The following ADGRV1 variants were observed in gnomAD, a reference collection of about 807,000 sequenced individuals.
ADGRV1 encodes the protein G-protein coupled receptor 98.
A neutral mutation model predicts 596.2 loss-of-function variants in ADGRV1; 359 were observed. That is an observed-to-expected ratio of 0.60 (90% CI 0.55 to 0.66). ADGRV1 has a LOEUF of 0.66. Ranked by LOEUF, ADGRV1 falls within the 30% of genes least tolerant of loss-of-function variation. ADGRV1 has a pLI of 0.00. For synonymous variants in ADGRV1, 2,681 were observed against 2,679.2 expected, an observed-to-expected ratio of 1.00 and a Z score of -0.02; for missense variants, 7,274 against 7,575.6, an observed-to-expected ratio of 0.96 and a Z score of 1.48.
chr5:91,001,217 A>G (rs1208563459), intron 85 of ADGRV1, among the ~76,000 whole-genome samples: 1 of 152,016 alleles, frequency 6.6e-6, no homozygotes, highest in Non-Finnish European at 1.5e-5. Context: ...AGCTGGGACT[A>G]CAGGCATGTA....
chr5:91,161,189 C>T (rs1487817905), intron 89 of ADGRV1, among the ~76,000 whole-genome samples: 1 of 152,192 alleles, frequency 6.6e-6, no homozygotes, highest in Admixed American at 6.5e-5. Context: ...GGCCCCAGGG[C>T]CTTAGTCACC....
chr5:90,931,933 A>G (rs116357461), intron 83 of ADGRV1, among the ~76,000 whole-genome samples: 1,608 of 152,342 alleles, frequency 0.011, 14 homozygotes, highest in South Asian at 0.026. Context: ...AATGGTCCAT[A>G]AGAGCAGAGG....
At chr5:90,741,145 T>G (rs1402122513) in intron 50 of ADGRV1, among the ~76,000 whole-genome samples, 1 of 152,110 alleles carries the variant, frequency 6.6e-6, no homozygotes, top group Admixed American at 6.5e-5. Context: ...TTCTACTCCT[T>G]CCTCCTCATC....
chr5:91,120,607 G>A (rs1793227819), intron 87 of ADGRV1, among the ~76,000 whole-genome samples: 1 of 152,024 alleles, frequency 6.6e-6, no homozygotes, highest in Admixed American at 6.5e-5. Context: ...ACAAACCCCA[G>A]CTCCCAGGGT....
rs775794903 is a variant in ADGRV1, at chr5:90,810,227, T to TC, written c.14973-3dup. 8.5e-6 allele frequency: 13 copies of TC among 1,530,470 alleles called. No individual in the cohort carries two copies. Among genetic ancestry groups the TC allele is most frequent in the Non-Finnish European group, 1.1e-5 (13 of 1,139,512 alleles). The allele number at this position is 1,530,470 out of a possible 1,614,324, so 94.8% of individuals were successfully genotyped here. A position where few individuals can be genotyped will look rare whatever the true frequency, so the allele number is the denominator to read the frequency against. Reference sequence around the variant, plus strand: ...CAATTTCTTCATGATTTAATTTTTTTCCCAGATCAGGTTTCATTGTTGCTG... The same window carrying TC: ...CAATTTCTTCATGATTTAATTTTTTTCCCCAGATCAGGTTTCATTGTTGCTG... On this transcript the variant is annotated splice_polypyrimidine_tract_variant and splice_region_variant and intron_variant, in intron 73 of 89. Coordinates refer to ENST00000405460, the MANE Select transcript of ADGRV1 (RefSeq NM_032119.4).
chr5:91,054,100 T>A (rs4990551), intron 85 of ADGRV1, among the ~76,000 whole-genome samples: 11,649 of 106,670 alleles, frequency 0.11, 566 homozygotes, highest in Admixed American at 0.22. Flanking sequence ...TGTGTGTGTG[T>A]GTGAGAGAGA....
chr5:90,753,598 C>A lies in ADGRV1; in HGVS notation c.11146C>A (p.Leu3716Met), dbSNP rs376365818. 6.2e-7 allele frequency: 1 copy of A among 1,609,002 alleles called. No individual in the cohort carries two copies. The highest frequency in any genetic ancestry group is 8.5e-7 in the Non-Finnish European group (1 of 1,175,826). The change falls in exon 54 of 90, where the codon CTG (leucine) becomes ATG (methionine). Residue 3716 changes from leucine to methionine, a missense_variant. Physicochemically the swap from Leu to Met is conservative, Grantham distance 15. Coordinates refer to ENST00000405460, the MANE Select transcript of ADGRV1 (RefSeq NM_032119.4). ...GATTTTATTTACTGAAGGCCAGGTA[C>A]TGTCAACAATCACTCTAACTATTCT... ...GVILFTEGQV[L>M]STITLTILAD...
chr5:90,864,925 A>G (rs192797860), intron 83 of ADGRV1, among the ~76,000 whole-genome samples: 1 of 152,288 alleles, frequency 6.6e-6, no homozygotes, highest in East Asian at 1.9e-4. Context: ...TGATTTGCAC[A>G]GTTTTTTAGA....
intron 83 of ADGRV1, among the ~76,000 whole-genome samples, chr5:90,950,954 A>G (rs1359955129): frequency 6.6e-6 from 1 of 152,206 alleles, no homozygotes; most frequent in African/African-American, 2.4e-5. Flanking sequence ...ATAGGTCACA[A>G]CAAAGATAAG....
chr5:90,774,434 C>A (rs1758005993), intron 60 of ADGRV1, 131 bp downstream of exon 60: 2 of 599,102 alleles, frequency 3.3e-6, no homozygotes, highest in South Asian at 4.1e-5. Flanking sequence ...TACCATTTTC[C>A]ACATGTATTA....
Position 90,589,746 on chromosome 5 carries a change from A to G in ADGRV1, c.23-25089A>G, listed in dbSNP as rs1027316743. 1.5e-4 allele frequency among the ~76,000 whole-genome samples: 23 copies of G among 152,258 alleles called. No individual in the cohort carries two copies. In the East Asian group the frequency reaches 4.4e-3, roughly 29 times the overall value. The stretch of plus-strand genomic sequence containing the variant: ...TAGATTCTGGGTGTTAAATGATCTT[A>G]GTTTTAAGGTTTTGGTTCAGAGTTC... On this transcript the variant is annotated intron_variant, in intron 1 of 89. Transcript: ENST00000405460.
intron 45 of ADGRV1, 134 bp downstream of exon 45, chr5:90,721,193 T>C: frequency 1.3e-6 from 1 of 766,066 alleles, no homozygotes; most frequent in Non-Finnish European, 2.0e-6. Context: ...ATTCTTTTAT[T>C]GCATCTATAA....
At chr5:90,934,034 T>G (rs888791461) in intron 83 of ADGRV1, among the ~76,000 whole-genome samples, 1 of 152,198 alleles carries the variant, frequency 6.6e-6, no homozygotes, top group African/African-American at 2.4e-5. Context: ...AGAAACTATT[T>G]CAGAAAAGTA....
At chr5:90,619,444 A>G in intron 4 of ADGRV1, among the ~76,000 whole-genome samples, 1 of 152,018 alleles carries the variant, frequency 6.6e-6, no homozygotes. Context: ...CTCCTTTGTT[A>G]ACTCTTCTGT....
chr5:91,105,329 T>G (rs1198917118), intron 87 of ADGRV1, among the ~76,000 whole-genome samples: 1 of 152,128 alleles, frequency 6.6e-6, no homozygotes, highest in Non-Finnish European at 1.5e-5. Flanking sequence ...AATACACTGA[T>G]TTTCTTTCCT....
chr5:91,042,039 T>A (rs1785405913), intron 85 of ADGRV1, among the ~76,000 whole-genome samples: 1 of 152,280 alleles, frequency 6.6e-6, no homozygotes, highest in East Asian at 1.9e-4. Context: ...TTTACAGATG[T>A]TTTAAACTTG....
rs566998261 is a variant in ADGRV1 at position 90,582,055 on chromosome 5, A to G, written c.22+23138A>G. 1.4e-4 allele frequency among the ~76,000 whole-genome samples: 20 copies of G among 147,134 alleles called. No homozygotes were observed. In the South Asian group the frequency reaches 2.6e-3, roughly 19 times the overall value. ...ACTGTGGTCCAAGAGTGTACTTGGT[A>G]TATGATTTCAGTTGTTTTTTATTTA... On this transcript the variant is annotated intron_variant, in intron 1 of 89. Transcript: ENST00000405460.
At chr5:90,847,416 C>T (rs1018640892) in intron 78 of ADGRV1, among the ~76,000 whole-genome samples, 5 of 152,226 alleles carry the variant, frequency 3.3e-5, no homozygotes, top group African/African-American at 1.2e-4. Context: ...GACATATTCT[C>T]CAAGTCCCCA....
intron 84 of ADGRV1, among the ~76,000 whole-genome samples, chr5:90,969,643 C>A (rs770698605): frequency 1.3e-5 from 2 of 152,240 alleles, no homozygotes; most frequent in South Asian, 2.1e-4. Flanking sequence ...AAATTCCTTT[C>A]TTGGCCATAG....
Sources: allele counts gnomAD v4.1 joint callset (sites outside exome capture counted in the v4.1 genomes callset), GRCh38; gene constraint gnomAD v4.1.1; transcripts MANE v1.5; gene names NCBI Gene and HGNC (gene_info 2026-07-23, HGNC 2026-07-21).